Variants in MACF1 observed in about 807,000 individuals in gnomAD.
MACF1 encodes microtubule actin crosslinking factor 1.
A neutral mutation model predicts 854.8 loss-of-function variants in MACF1; 193 were observed. The ratio of observed to expected loss-of-function variants is 0.23; its 90% CI spans 0.20 to 0.25. The LOEUF is 0.25. Ranked by LOEUF, MACF1 falls within the 10% of genes least tolerant of loss-of-function variation. The pLI is 1.00. For missense variants in MACF1, 7,722 were observed against 8,929.1 expected, an observed-to-expected ratio of 0.86 and a Z score of 5.45; for synonymous variants, 3,185 against 3,226.7, an observed-to-expected ratio of 0.99 and a Z score of 0.44.
At chr1:39,145,598 G>T (rs558002934) in intron 2 of MACF1, among the ~76,000 whole-genome samples, 1 of 152,128 alleles carries the variant, frequency 6.6e-6, no homozygotes, top group Non-Finnish European at 1.5e-5. Context: ...TATAGCCAAG[G>T]TTTGTGCCCA....
intron 2 of MACF1, chr1:39,103,420 T>C (rs938862804): frequency 3.4e-5 from 6 of 174,856 alleles, no homozygotes; most frequent in Admixed American, 5.4e-5. Flanking sequence ...GATTTCTGTC[T>C]GGGCCTTCTT....
chr1:39,299,348 G>T, intron 21 of MACF1: 1 of 452,538 alleles, frequency 2.2e-6, no homozygotes, highest in South Asian at 1.6e-5. Context: ...TACTCTCATC[G>T]CATCTACATC....
intron 44 of MACF1, among the ~76,000 whole-genome samples, chr1:39,354,214 A>T (rs1647327708): frequency 6.6e-6 from 1 of 151,954 alleles, no homozygotes; most frequent in African/African-American, 2.4e-5. Flanking sequence ...GGGCCTTTAC[A>T]TGCTCTTGGA....
In MACF1 at chr1:39,283,150, A is replaced by T; in HGVS notation, c.696-39A>T. On this transcript the variant is annotated intron_variant, in intron 7 of 100. Coordinates refer to ENST00000564288, the MANE Select transcript of MACF1 (RefSeq NM_001394062.1). This position sits in a 1 kb window ranked among gnomAD's most constrained non-coding sequence, Gnocchi z 4.5. Reference sequence around the variant, plus strand: ...TTGTGTAAACTCATGTGTGATGTGTAGATGGTGGCGTTTCATGTGCCTTGC... The same window carrying T: ...TTGTGTAAACTCATGTGTGATGTGTTGATGGTGGCGTTTCATGTGCCTTGC... 1 of 1,261,630 alleles carries T rather than the reference A, an allele frequency of 7.9e-7. No homozygotes were observed. Among genetic ancestry groups the T allele is most frequent in the Non-Finnish European group, 1.2e-6 (1 of 860,254 alleles). The allele number at this position is 1,261,630 out of a possible 1,614,324, so 78.2% of individuals were successfully genotyped here. A position where few individuals can be genotyped will look rare whatever the true frequency, so the allele number is the denominator to read the frequency against.
At chr1:39,268,087 G>A (rs1039702195) in intron 6 of MACF1, among the ~76,000 whole-genome samples, 2 of 152,080 alleles carry the variant, frequency 1.3e-5, no homozygotes, top group African/African-American at 4.8e-5. Context: ...ATTTCATTTT[G>A]TAGTTTGGGA....
At chr1:39,166,473 C>T (rs1248000109) in intron 2 of MACF1, among the ~76,000 whole-genome samples, 3 of 150,302 alleles carry the variant, frequency 2.0e-5, no homozygotes, top group South Asian at 2.1e-4. Context: ...TTCATTCATT[C>T]GAGATGGAAT....
chr1:39,458,871 CT>C lies in MACF1; in HGVS notation c.21197-213del, dbSNP rs547195013. 7.3e-5 allele frequency: 39 copies of C among 537,422 alleles called. No homozygotes were observed. In the East Asian group the frequency reaches 8.5e-4, roughly 12 times the overall value. 33.3% of individuals were successfully genotyped at this position (537,422 alleles called of 1,614,324 possible). On this transcript the variant is annotated intron_variant, in intron 90 of 100. Coordinates refer to ENST00000564288, the MANE Select transcript of MACF1 (RefSeq NM_001394062.1). ...AGCTCACTAAGGTAGGACAGAATTG[CT>C]TGGAGATATGTAGGCAGCAGGTAAG... is the stretch of plus-strand genomic sequence containing the variant.
intron 4 of MACF1, among the ~76,000 whole-genome samples, chr1:39,253,509 ATTTTT>A (rs34578005): frequency 1.1e-5 from 1 of 91,520 alleles, no homozygotes; most frequent in Non-Finnish European, 2.0e-5. Context: ...AGCTATCTGT[ATTTTT>A]TTTTTTTTTT....
chr1:39,159,410 G>A (rs1643753670), intron 2 of MACF1, among the ~76,000 whole-genome samples: 1 of 152,178 alleles, frequency 6.6e-6, no homozygotes, highest in African/African-American at 2.4e-5. Context: ...TTTTCCAGTT[G>A]CTTGTGTCTA....
chr1:39,302,136 A>G (rs528673959), intron 22 of MACF1, among the ~76,000 whole-genome samples: 16 of 152,228 alleles, frequency 1.1e-4, no homozygotes, highest in South Asian at 4.1e-4. Context: ...GGCTGGGACT[A>G]CAGGCATGCA....
chr1:39,306,007 T>A (rs1289913950), intron 23 of MACF1, among the ~76,000 whole-genome samples: 1 of 152,192 alleles, frequency 6.6e-6, no homozygotes, highest in Admixed American at 6.5e-5. Context: ...CTATTAGAGA[T>A]TTTTGTCCAT....
chr1:39,483,153 C>T (rs1402537299), intron 99 of MACF1, among the ~76,000 whole-genome samples: 1 of 149,894 alleles, frequency 6.7e-6, no homozygotes, highest in Non-Finnish European at 1.5e-5. Flanking sequence ...CCAGTTAAGC[C>T]TACTATCTAA....
chr1:39,400,108 G>A (rs1007094094), intron 58 of MACF1, among the ~76,000 whole-genome samples: 3 of 152,076 alleles, frequency 2.0e-5, no homozygotes, highest in Non-Finnish European at 4.4e-5. Flanking sequence ...GTATAAGAGG[G>A]CAAAACTAAG....
At chr1:39,130,049 G>A (rs1035594955) in intron 2 of MACF1, among the ~76,000 whole-genome samples, 15 of 152,268 alleles carry the variant, frequency 9.9e-5, no homozygotes, top group African/African-American at 3.6e-4. Context: ...TAATAGAAAG[G>A]CCCCACTCCA....
chr1:39,279,516 G>A (rs1571258282), intron 6 of MACF1, among the ~76,000 whole-genome samples: 1 of 151,846 alleles, frequency 6.6e-6, no homozygotes, highest in Admixed American at 6.6e-5. Flanking sequence ...TGATCACAAG[G>A]GAAGCTACTA....
intron 71 of MACF1, 86 bp downstream of exon 71, chr1:39,438,094 A>C (rs899833035): frequency 1.6e-6 from 2 of 1,246,430 alleles, no homozygotes; most frequent in African/African-American, 3.0e-5. Flanking sequence ...AGATTTATTT[A>C]TTTCTTTGAA....
At chr1:39,165,586 A>G (rs1643873981) in intron 2 of MACF1, among the ~76,000 whole-genome samples, 10 of 152,228 alleles carry the variant, frequency 6.6e-5, no homozygotes, top group Admixed American at 6.5e-4. Flanking sequence ...TAACAAGCAT[A>G]CAATACCATT....
chr1:39,390,466 T>C (rs1224576085), intron 58 of MACF1, among the ~76,000 whole-genome samples: 1 of 152,220 alleles, frequency 6.6e-6, no homozygotes, highest in East Asian at 1.9e-4. Context: ...GCTGAAGGCC[T>C]TCTTACCATG....
chr1:39,401,014 C>T (rs1642458255), intron 58 of MACF1, among the ~76,000 whole-genome samples: 1 of 152,082 alleles, frequency 6.6e-6, no homozygotes, highest in Non-Finnish European at 1.5e-5. Flanking sequence ...TTTGTGGGAA[C>T]AATAGGGCTT....
Sources: allele counts gnomAD v4.1 joint callset (sites outside exome capture counted in the v4.1 genomes callset), GRCh38; gene constraint gnomAD v4.1.1; non-coding constraint Gnocchi (gnomAD v3.1); transcripts MANE v1.5; gene names NCBI Gene and HGNC (gene_info 2026-07-23, HGNC 2026-07-21).